DCST1: variants seen among roughly 807,000 people sequenced by gnomAD.
The protein encoded by DCST1 is E3 ubiquitin-protein ligase DCST1.
In DCST1, 78 loss-of-function variants were observed where a neutral mutation model predicts 89.1. That is an observed-to-expected ratio of 0.88 (90% CI 0.73 to 1.06). The LOEUF is 1.06. DCST1 is among the 50% of genes least tolerant of loss of function. The pLI is 0.00. For synonymous variants in DCST1, 364 were observed against 371.9 expected (o/e 0.98, Z 0.24); for missense variants, 900 against 928.6 (o/e 0.97, Z 0.40).
Position 155,048,159 on chromosome 1 carries a change from C to CA in DCST1, c.1859dup (p.Lys621GlufsTer76). ...CGCTATCCTGAGGCGGGAGCGACAGCAGAAGGCTCCGGTAAGTCCAGGCGT... is the reference window on the plus strand; with the variant it reads ...CGCTATCCTGAGGCGGGAGCGACAGCAAGAAGGCTCCGGTAAGTCCAGGCGT... On this transcript the variant is annotated frameshift_variant, in exon 16 of 17. Coordinates refer to ENST00000295542, the MANE Select transcript of DCST1 (RefSeq NM_152494.4). LOFTEE classifies it high-confidence loss of function. 6 of 1,613,918 alleles carry CA rather than the reference C, an allele frequency of 3.7e-6. No individual in the cohort carries two copies. The highest frequency in any genetic ancestry group is 4.2e-6 in the Non-Finnish European group (5 of 1,179,944).
chr1:155,034,913 C>T (rs979142932), intron 4 of DCST1, 186 bp downstream of exon 4: 37 of 632,056 alleles, frequency 5.9e-5, no homozygotes, highest in Non-Finnish European at 1.9e-5. Context: ...AGGAAGACAC[C>T]GTCCTTGCCC....
At chr1:155,043,598 A>G in intron 10 of DCST1, 89 bp downstream of exon 10, 1 of 1,362,522 alleles carries the variant, frequency 7.3e-7, no homozygotes. Context: ...GAACCCTAGC[A>G]CCTATCCTCA....
chr1:155,049,136 C>G, intron 16 of DCST1: 2 of 710,604 alleles, frequency 2.8e-6, no homozygotes, highest in Non-Finnish European at 2.6e-6. Context: ...ATCCCGGCTC[C>G]TTCCCTCATT....
At chr1:155,046,015 G>A (rs1048339129) in intron 11 of DCST1, 23 bp downstream of exon 11, 9 of 1,612,690 alleles carry the variant, frequency 5.6e-6, no homozygotes, top group Admixed American at 1.7e-5. Flanking sequence ...GGCACTGCCC[G>A]GGGATGCCTT....
chr1:155,039,793 G>T (rs534312083), intron 5 of DCST1, among the ~76,000 whole-genome samples: 1 of 151,546 alleles, frequency 6.6e-6, no homozygotes, highest in Admixed American at 6.6e-5. Context: ...GAGGTCAGGA[G>T]TTCAAGACCA....
Position 155,050,875 on chromosome 1 carries a change from GT to G in DCST1, c.*8del. ...CACTGCCTACGCGGGGTGAAGAGGC[GT>G]CCTGCTCGCTCTTCCGCACCGTCCT... is the stretch of plus-strand genomic sequence containing the variant. On this transcript the variant is annotated 3_prime_UTR_variant, in exon 17 of 17. Transcript: ENST00000295542. 6.2e-7 allele frequency: 1 copy of G among 1,606,460 alleles called. No individual in the cohort carries two copies. The highest frequency in any genetic ancestry group is 8.5e-7 in the Non-Finnish European group (1 of 1,174,370).
chr1:155,035,015 T>G, intron 4 of DCST1: 1 of 409,484 alleles, frequency 2.4e-6, no homozygotes, highest in Non-Finnish European at 4.4e-6. Flanking sequence ...TCTCCTGACC[T>G]GTCTGACCTC....
chr1:155,034,182 C>T (rs1428002056), intron 2 of DCST1, 85 bp downstream of exon 2: 15 of 1,576,344 alleles, frequency 9.5e-6, no homozygotes, highest in Non-Finnish European at 1.0e-5. Context: ...CACTATCCCC[C>T]AACTCGGTGT....
intron 4 of DCST1, among the ~76,000 whole-genome samples, chr1:155,038,341 T>G (rs540862199): frequency 1.3e-5 from 2 of 152,300 alleles, no homozygotes; most frequent in African/African-American, 4.8e-5. Context: ...CCAAATGTGG[T>G]AGAAAGCCAC....
chr1:155,047,502 C>T (rs1660691901), intron 14 of DCST1, among the ~76,000 whole-genome samples, 190 bp downstream of exon 14: 1 of 152,228 alleles, frequency 6.6e-6, no homozygotes, highest in African/African-American at 2.4e-5. Context: ...TGACCAGCTT[C>T]AGTCAGAGGA....
chr1:155,042,936 A>C, intron 9 of DCST1, 80 bp downstream of exon 9: 1 of 1,534,022 alleles, frequency 6.5e-7, no homozygotes. Flanking sequence ...TAGAGGAAGG[A>C]CAAGTGAGAG....
Position 155,046,339 on chromosome 1 carries a change from C to T in DCST1, c.1369-21C>T, listed in dbSNP as rs374339664. On this transcript the variant is annotated intron_variant, in intron 12 of 16. Coordinates refer to ENST00000295542, the MANE Select transcript of DCST1 (RefSeq NM_152494.4). Reference sequence around the variant, plus strand: ...AGGCAGATGGCACTGCCCAGCTCTGCCCCTCCTGCTCCTTGGCCAGGTGAG... The same window carrying T: ...AGGCAGATGGCACTGCCCAGCTCTGTCCCTCCTGCTCCTTGGCCAGGTGAG... The T allele has an allele frequency of 1.6e-5, 26 of 1,614,032 alleles. No individual in the cohort carries two copies. The Admixed American group carries it at 3.5e-4, about 22-fold the overall frequency.
chr1:155,041,638 AG>A (rs1558107939), intron 7 of DCST1, 25 bp downstream of exon 7: 3 of 1,382,098 alleles, frequency 2.2e-6, no homozygotes, highest in African/African-American at 1.5e-5. Flanking sequence ...TGGGGAGTGG[AG>A]GGTGGGGTGG....
Position 155,036,950 on chromosome 1 carries a change from T to A in DCST1, c.262+2223T>A, listed in dbSNP as rs1351800172. 2.6e-5 allele frequency among the ~76,000 whole-genome samples: 4 copies of A among 152,368 alleles called. No homozygotes were observed. The East Asian group carries it at 7.7e-4, about 29-fold the overall frequency. On this transcript the variant is annotated intron_variant, in intron 4 of 16. Coordinates refer to ENST00000295542, the MANE Select transcript of DCST1 (RefSeq NM_152494.4). The stretch of plus-strand genomic sequence containing the variant: ...AGTGCACCTTCCTTTTTGTGGAGAA[T>A]GGGGTCTCGCTATATTGCCCAGGCA...
chr1:155,047,338 A>G, intron 14 of DCST1, 26 bp downstream of exon 14: 1 of 1,593,486 alleles, frequency 6.3e-7, no homozygotes, highest in Non-Finnish European at 8.6e-7. Context: ...AGTTTGGATC[A>G]GAGGAATCGA....
chr1:155,043,473 T>C lies in DCST1; in HGVS notation c.1136T>C (p.Val379Ala), dbSNP rs1386689212. The C allele has an allele frequency of 6.2e-7, 1 of 1,609,020 alleles. No homozygotes were observed. The highest frequency in any genetic ancestry group is 2.2e-5 in the East Asian group (1 of 44,864). ...GAGTGGGCCCTGGGGCTGCTGCACG[T>C]GCTGCTCTCCTGCACTTTCCTGCTG... is the stretch of plus-strand genomic sequence containing the variant. The part of the protein sequence containing the change: ...RLEWALGLLH[V>A]LLSCTFLLVL... The change falls in exon 10 of 17, where the codon GTG becomes GCG. Residue 379 changes from valine (V) to alanine (A), a missense_variant. Val to Ala is a moderately conservative substitution (Grantham distance 64, BLOSUM62 0). Transcript: ENST00000295542.
intron 14 of DCST1, 110 bp downstream of exon 14, chr1:155,047,422 G>A (rs1458964384): frequency 5.1e-6 from 5 of 973,034 alleles, no homozygotes; most frequent in Non-Finnish European, 7.8e-6. Flanking sequence ...GGAGAGATGG[G>A]GGTTGGAGCG....
At chr1:155,045,566 C>T (rs1660591523) in intron 10 of DCST1, 1 of 368,946 alleles carries the variant, frequency 2.7e-6, no homozygotes, top group South Asian at 2.6e-5. Flanking sequence ...CTGTAAGATG[C>T]ATGCCTGTCC....
At chr1:155,040,298 G>A (rs553039919) in intron 5 of DCST1, among the ~76,000 whole-genome samples, 187 bp from the exon 6 acceptor site, 5 of 128,940 alleles carry the variant, frequency 3.9e-5, no homozygotes, top group South Asian at 5.1e-4. Context: ...GGGAGACTCC[G>A]TCTCAAAAAA....
Sources: allele counts gnomAD v4.1 joint callset (sites outside exome capture counted in the v4.1 genomes callset), GRCh38; gene constraint gnomAD v4.1.1; transcripts MANE v1.5; gene names NCBI Gene and HGNC (gene_info 2026-07-23, HGNC 2026-07-21).